The following SGPP2 variants were observed in gnomAD, a reference collection of about 807,000 sequenced individuals.
The protein encoded by SGPP2 is sphingosine-1-phosphate phosphatase 2.
SGPP2 carries 30 observed loss-of-function variants against 33.9 expected under a neutral mutation model. The ratio of observed to expected loss-of-function variants is 0.89; its 90% CI spans 0.66 to 1.20. The LOEUF (loss-of-function observed/expected upper bound fraction) is 1.20, where lower values mean the gene tolerates loss of function less well. SGPP2 is among the 50% of genes most tolerant of loss of function. The pLI, the probability that SGPP2 is intolerant of heterozygous loss-of-function variation, is 0.00. For synonymous variants in SGPP2, 233 were observed against 225.0 expected (o/e 1.04, Z -0.32); for missense variants, 458 against 532.1 (o/e 0.86, Z 1.37).
intron 2 of SGPP2, among the ~76,000 whole-genome samples, chr2:222,519,796 T>C (rs6740937): frequency 0.48 from 73,372 of 152,060 alleles, 18,939 homozygotes; most frequent in East Asian, 0.82. Flanking sequence ...ATTAATTTGC[T>C]TAGTATTTTG....
rs370990545 is a variant in SGPP2 at position 222,434,252 on chromosome 2, G to A, written c.219+9431G>A. 1.6e-4 allele frequency among the ~76,000 whole-genome samples: 25 copies of A among 152,274 alleles called. No homozygotes were observed. In the East Asian group the frequency reaches 2.3e-3, roughly 14 times the overall value. On this transcript the variant is annotated intron_variant, in intron 1 of 4. Coordinates refer to ENST00000321276, the MANE Select transcript of SGPP2 (RefSeq NM_152386.4). The stretch of plus-strand genomic sequence containing the variant: ...AAGTGAAACATTGAAAAATCAAGGC[G>A]AGACTGTGACTTGTATTTTTTGATT...
At chr2:222,430,227 G>A (rs1056568270) in intron 1 of SGPP2, among the ~76,000 whole-genome samples, 3 of 152,188 alleles carry the variant, frequency 2.0e-5, no homozygotes, top group Non-Finnish European at 2.9e-5. Flanking sequence ...GCAAAAATGG[G>A]AGAAGCTCTT....
intron 2 of SGPP2, among the ~76,000 whole-genome samples, chr2:222,498,697 T>C (rs975776405): frequency 2.0e-5 from 3 of 151,810 alleles, no homozygotes; most frequent in Non-Finnish European, 4.4e-5. Context: ...AAAATAAAAA[T>C]ATATAGTCTA....
At chr2:222,488,327 C>T (rs940656683) in intron 2 of SGPP2, among the ~76,000 whole-genome samples, 6 of 152,200 alleles carry the variant, frequency 3.9e-5, no homozygotes, top group Non-Finnish European at 7.3e-5. Flanking sequence ...GGTGAGCGAG[C>T]ATTACTGCCT....
intron 2 of SGPP2, among the ~76,000 whole-genome samples, chr2:222,514,587 G>A (rs1007555080): frequency 1.1e-4 from 16 of 151,358 alleles, no homozygotes; most frequent in Admixed American, 8.6e-4. Flanking sequence ...TTCAGTGTAC[G>A]TTCATAACCT....
rs546133235 is a variant in SGPP2, at chr2:222,449,180, C to T, written c.219+24359C>T. On this transcript the variant is annotated intron_variant, in intron 1 of 4. Transcript: ENST00000321276. ...CTCTCTCCCTTTCTACCCATCTGGT[C>T]GTTGAAACCAAATGAACCTTCTCTA... 3.9e-5 allele frequency among the ~76,000 whole-genome samples: 6 copies of T among 152,222 alleles called. No individual in the cohort carries two copies. The East Asian group carries it at 7.7e-4, about 20-fold the overall frequency.
At chr2:222,500,685 C>T (rs1165647194) in intron 2 of SGPP2, among the ~76,000 whole-genome samples, 1 of 152,192 alleles carries the variant, frequency 6.6e-6, no homozygotes, top group East Asian at 1.9e-4. Context: ...TCACTGAAAA[C>T]TGGCATTGTC....
intron 2 of SGPP2, among the ~76,000 whole-genome samples, chr2:222,483,153 G>A (rs1698054733): frequency 6.6e-6 from 1 of 152,170 alleles, no homozygotes; most frequent in Non-Finnish European, 1.5e-5. Context: ...ATTTTGTCTT[G>A]TGTTTTGAAT....
rs369997336 is a variant in SGPP2 at position 222,476,275 on chromosome 2, A to G, written c.378+1549A>G. Among the ~76,000 whole-genome samples the G allele has an allele frequency of 3.3e-5, 5 of 152,164 alleles. No individual in the cohort carries two copies. In the South Asian group the frequency reaches 1.0e-3, roughly 32 times the overall value. ...ATTCGAATGTTCTCAGGGGCAGGGG[A>G]CAGAAATAAAGCAGCAATGTCCTGG... On this transcript the variant is annotated intron_variant, in intron 2 of 4. Transcript: ENST00000321276. The surrounding 1 kb of genome is among the most constrained non-coding windows in gnomAD (Gnocchi z 4.3).
intron 2 of SGPP2, among the ~76,000 whole-genome samples, chr2:222,503,653 C>T (rs1698400028): frequency 6.6e-6 from 1 of 151,970 alleles, no homozygotes; most frequent in African/African-American, 2.4e-5. Flanking sequence ...TTAACTGCAC[C>T]CGCATTGTAC....
chr2:222,435,797 T>C (rs1212243204), intron 1 of SGPP2, among the ~76,000 whole-genome samples: 1 of 152,244 alleles, frequency 6.6e-6, no homozygotes, highest in Non-Finnish European at 1.5e-5. Context: ...ACAATTACAG[T>C]CCTGGTTTCT....
intron 2 of SGPP2, among the ~76,000 whole-genome samples, chr2:222,493,015 A>G (rs1168958536): frequency 1.3e-5 from 2 of 152,176 alleles, no homozygotes; most frequent in Admixed American, 6.5e-5. Context: ...GGAAGTTCCA[A>G]ATTTTCCTTC....
intron 3 of SGPP2, among the ~76,000 whole-genome samples, chr2:222,522,854 A>T (rs1250342588): frequency 6.6e-6 from 1 of 152,118 alleles, no homozygotes; most frequent in African/African-American, 2.4e-5. Flanking sequence ...AATTAAAAAA[A>T]ATTTTTTTTC....
At chr2:222,475,022 T>G (rs1697909703) in intron 2 of SGPP2, among the ~76,000 whole-genome samples, 2 of 152,194 alleles carry the variant, frequency 1.3e-5, no homozygotes, top group Non-Finnish European at 2.9e-5. Flanking sequence ...CTTGTGGCCT[T>G]TCATTAGTCT....
At chr2:222,458,632 A>G (rs1379147551) in intron 1 of SGPP2, among the ~76,000 whole-genome samples, 2 of 152,160 alleles carry the variant, frequency 1.3e-5, no homozygotes, top group Non-Finnish European at 2.9e-5. Flanking sequence ...AATTTTTTCA[A>G]GCTTTATTGA....
At chr2:222,468,106 A>T (rs572143508) in intron 1 of SGPP2, among the ~76,000 whole-genome samples, 14 of 152,092 alleles carry the variant, frequency 9.2e-5, no homozygotes, top group Non-Finnish European at 1.9e-4. Context: ...TAATTACAGG[A>T]AGATGATATC....
intron 1 of SGPP2, among the ~76,000 whole-genome samples, chr2:222,469,126 G>A (rs1697799692): frequency 6.6e-6 from 1 of 152,184 alleles, no homozygotes; most frequent in South Asian, 2.1e-4. Context: ...ATCATTTCTT[G>A]TTTGTCAGAC....
At chr2:222,429,423 C>T (rs1697119560) in intron 1 of SGPP2, among the ~76,000 whole-genome samples, 1 of 152,218 alleles carries the variant, frequency 6.6e-6, no homozygotes, top group South Asian at 2.1e-4. Flanking sequence ...TGGATGCTTA[C>T]ATCTGAAATG....
chr2:222,467,950 GAAAAAAAAAAAAAAAAAAAAAAAAA>G (rs61253653), intron 1 of SGPP2, among the ~76,000 whole-genome samples: 2,892 of 24,908 alleles, frequency 0.12, 178 homozygotes, highest in African/African-American at 0.17. Flanking sequence ...GCTCTAATCT[GAAAAAAAAAAAAAAAAAAAAAAAAA>G]AAAAAAAAAA....
Sources: allele counts gnomAD v4.1 joint callset (sites outside exome capture counted in the v4.1 genomes callset), GRCh38; gene constraint gnomAD v4.1.1; non-coding constraint Gnocchi (gnomAD v3.1); transcripts MANE v1.5; gene names NCBI Gene and HGNC (gene_info 2026-07-23, HGNC 2026-07-21).